The following SMYD3 variants were observed in gnomAD, a reference collection of about 807,000 sequenced individuals.
SMYD3 encodes histone-lysine N-methyltransferase SMYD3.
In SMYD3, 36 loss-of-function variants were observed where a neutral mutation model predicts 57.7. The ratio of observed to expected loss-of-function variants is 0.62; its 90% CI spans 0.48 to 0.82. SMYD3 has a LOEUF of 0.82. Among genes scored for constraint, SMYD3 ranks in the 40% least tolerant of loss-of-function variants. The pLI is 0.00. For missense variants in SMYD3, 515 were observed against 538.8 expected (o/e 0.96, Z 0.44); for synonymous variants, 211 against 195.0 (o/e 1.08, Z -0.68).
intron 5 of SMYD3, among the ~76,000 whole-genome samples, chr1:246,174,506 G>C (rs188136070): frequency 1.3e-5 from 2 of 152,254 alleles, no homozygotes; most frequent in African/African-American, 4.8e-5. Flanking sequence ...GAGTGCAGTG[G>C]CACAATTAAA....
In SMYD3 at chr1:246,203,487, C is replaced by G. The variant is rs1413400074; in HGVS notation, c.531+123714G>C. On this transcript the variant is annotated intron_variant, in intron 5 of 11. Transcript: ENST00000490107. The surrounding 1 kb of genome is among the most constrained non-coding windows in gnomAD (Gnocchi z 4.6). The stretch of plus-strand genomic sequence containing the variant: ...GTCTGGAAGTTCAAGATGAAAGTAT[C>G]TATAGGTTTGGTTTCCTCCGAGCCC... 6.6e-6 allele frequency among the ~76,000 whole-genome samples: 1 copy of G among 152,206 alleles called. No homozygotes were observed. Among genetic ancestry groups the G allele is most frequent in the Non-Finnish European group, 1.5e-5 (1 of 68,040 alleles).
At chr1:246,307,580 C>T (rs1009801423) in intron 5 of SMYD3, among the ~76,000 whole-genome samples, 1 of 151,618 alleles carries the variant, frequency 6.6e-6, no homozygotes, top group African/African-American at 2.4e-5. Context: ...CCACCACGCC[C>T]GGCTAATTTT....
intron 10 of SMYD3, among the ~76,000 whole-genome samples, chr1:245,801,898 A>T (rs913130460): frequency 2.0e-5 from 3 of 146,674 alleles, no homozygotes; most frequent in African/African-American, 5.4e-5. Flanking sequence ...TAAGTTGTTT[A>T]AAAAAACACC....
chr1:245,912,765 C>T (rs936051685), intron 8 of SMYD3, among the ~76,000 whole-genome samples: 1 of 152,082 alleles, frequency 6.6e-6, no homozygotes, highest in African/African-American at 2.4e-5. Flanking sequence ...GAAAGGACAC[C>T]TCTTCAATTA....
At chr1:245,896,815 G>A (rs563506602) in intron 8 of SMYD3, among the ~76,000 whole-genome samples, 1 of 152,126 alleles carries the variant, frequency 6.6e-6, no homozygotes, top group East Asian at 1.9e-4. Context: ...AGGTCCAAAT[G>A]CCATTAAGTT....
At chr1:246,017,016 T>C (rs1170566374) in intron 5 of SMYD3, among the ~76,000 whole-genome samples, 3 of 152,118 alleles carry the variant, frequency 2.0e-5, no homozygotes, top group African/African-American at 7.2e-5. Context: ...AATACCATAA[T>C]ACAAGTGTCT....
intron 11 of SMYD3, among the ~76,000 whole-genome samples, chr1:245,749,981 T>C (rs1572234931): frequency 6.6e-6 from 1 of 152,202 alleles, no homozygotes; most frequent in African/African-American, 2.4e-5. Flanking sequence ...ACCAAAATGA[T>C]TGAGTCATAT....
intron 5 of SMYD3, among the ~76,000 whole-genome samples, chr1:246,043,000 C>T (rs2059903936): frequency 6.6e-6 from 1 of 152,164 alleles, no homozygotes; most frequent in African/African-American, 2.4e-5. Context: ...TGGCCTAACA[C>T]AATTTCCAGA....
chr1:246,459,424 T>C (rs1331017814), intron 1 of SMYD3, among the ~76,000 whole-genome samples: 2 of 152,136 alleles, frequency 1.3e-5, no homozygotes, highest in East Asian at 3.9e-4. Context: ...ATCTTGTTAC[T>C]TGAGAGTTTG....
chr1:245,932,522 A>T (rs2056780983), intron 5 of SMYD3, among the ~76,000 whole-genome samples: 1 of 152,156 alleles, frequency 6.6e-6, no homozygotes, highest in African/African-American at 2.4e-5. Context: ...CTAGTCCTGT[A>T]CCTGGCTCAA....
intron 5 of SMYD3, among the ~76,000 whole-genome samples, chr1:246,119,560 A>G (rs542742814): frequency 2.6e-5 from 4 of 151,994 alleles, no homozygotes; most frequent in African/African-American, 9.6e-5. Context: ...CTACAGGCAT[A>G]TGCCACCATG....
At chr1:246,481,629 T>TATATATATATAC (rs1409036764) in intron 1 of SMYD3, among the ~76,000 whole-genome samples, 1 of 104,410 alleles carries the variant, frequency 9.6e-6, no homozygotes, top group African/African-American at 4.2e-5. Flanking sequence ...TATACATACA[T>TATATATATATAC]ACATACACAT....
chr1:246,268,418 G>A (rs184038078), intron 5 of SMYD3, among the ~76,000 whole-genome samples: 3 of 152,190 alleles, frequency 2.0e-5, no homozygotes, highest in Non-Finnish European at 4.4e-5. Context: ...GGAAATAACC[G>A]GCCAGGCGCA....
intron 10 of SMYD3, among the ~76,000 whole-genome samples, chr1:245,789,993 A>G (rs2047200978): frequency 1.3e-5 from 2 of 152,180 alleles, no homozygotes; most frequent in South Asian, 4.1e-4. Context: ...GCCAGACACT[A>G]CAGGGATAAG....
chr1:246,400,447 G>A (rs1014332292), intron 1 of SMYD3, among the ~76,000 whole-genome samples: 6 of 152,084 alleles, frequency 3.9e-5, no homozygotes, highest in Non-Finnish European at 7.4e-5. Context: ...GGTTGCCCAG[G>A]CTGGTCTCAA....
At chr1:245,751,315 G>T (rs2045339078) in intron 11 of SMYD3, among the ~76,000 whole-genome samples, 1 of 152,206 alleles carries the variant, frequency 6.6e-6, no homozygotes, top group Non-Finnish European at 1.5e-5. Context: ...TGGTGGTCAT[G>T]TGGTGAGACG....
At chr1:246,405,669 G>A (rs986653520) in intron 1 of SMYD3, among the ~76,000 whole-genome samples, 11 of 152,116 alleles carry the variant, frequency 7.2e-5, no homozygotes, top group African/African-American at 2.7e-4. Flanking sequence ...AGCACTTTGG[G>A]AGGCCGAGGC....
chr1:246,398,764 A>C (rs774852844), intron 1 of SMYD3, among the ~76,000 whole-genome samples: 3 of 152,216 alleles, frequency 2.0e-5, no homozygotes, highest in Non-Finnish European at 2.9e-5. Context: ...TGAGGTATGC[A>C]CAATGGAGGA....
At chr1:245,788,323 A>AC in intron 10 of SMYD3, among the ~76,000 whole-genome samples, 1 of 152,316 alleles carries the variant, frequency 6.6e-6, no homozygotes, top group East Asian at 1.9e-4. Flanking sequence ...TGTCCAGGGC[A>AC]CCTATGAAGC....
Sources: gnomAD v4.1 joint callset for allele counts (sites outside exome capture counted in the v4.1 genomes callset) on GRCh38, gnomAD v4.1.1 for gene constraint, Gnocchi (gnomAD v3.1) non-coding constraint, MANE v1.5 for transcripts, NCBI Gene and HGNC (gene_info 2026-07-23, HGNC 2026-07-21) for gene names.